Variants in NEGR1 observed in about 807,000 individuals in gnomAD.
NEGR1 encodes the protein IgLON family member 4.
A neutral mutation model predicts 40.9 loss-of-function variants in NEGR1; 10 were observed. That is an observed-to-expected ratio of 0.24 (90% CI 0.15 to 0.42). The LOEUF (loss-of-function observed/expected upper bound fraction) is 0.42, where lower values mean the gene tolerates loss of function less well. NEGR1 is among the 10% of genes least tolerant of loss of function. The probability of loss-of-function intolerance (pLI) is 1.00; values close to 1 mark genes in which losing one functional copy is unlikely to be tolerated. For missense variants in NEGR1, 352 were observed against 438.9 expected (o/e 0.80, Z 1.77); for synonymous variants, 185 against 166.8 (o/e 1.11, Z -0.84).
intron 1 of NEGR1, among the ~76,000 whole-genome samples, chr1:72,106,861 A>G (rs1303285728): frequency 3.9e-5 from 6 of 151,964 alleles, no homozygotes; most frequent in African/African-American, 1.4e-4. Flanking sequence ...ACGTCATTTA[A>G]ATATAGATAT....
rs144142592 is a variant in NEGR1 at position 71,632,389 on chromosome 1, T to C, written c.668-21243A>G. 7.1e-4 allele frequency among the ~76,000 whole-genome samples: 108 copies of C among 151,490 alleles called. 1 individual carries two copies. The East Asian group carries it at 0.019, about 27-fold the overall frequency. On this transcript the variant is annotated intron_variant, in intron 4 of 6. Transcript: ENST00000357731. Reference sequence around the variant, plus strand: ...TCCAAAATAATTCCATTGTTTACTATGTACTCAAATTCCTAGCTCACCTTT... The same window carrying C: ...TCCAAAATAATTCCATTGTTTACTACGTACTCAAATTCCTAGCTCACCTTT...
At chr1:71,973,244 A>G (rs1646273167) in intron 1 of NEGR1, among the ~76,000 whole-genome samples, 1 of 150,398 alleles carries the variant, frequency 6.6e-6, no homozygotes, top group African/African-American at 2.4e-5. Flanking sequence ...TGAACACGGG[A>G]GGCAGAGCTT....
chr1:72,018,247 C>T (rs1646728927), intron 1 of NEGR1, among the ~76,000 whole-genome samples: 1 of 152,064 alleles, frequency 6.6e-6, no homozygotes, highest in Admixed American at 6.6e-5. Context: ...AGATATTTTC[C>T]TAAGGACTAG....
chr1:71,546,517 T>C (rs1647900820), intron 6 of NEGR1, among the ~76,000 whole-genome samples: 1 of 151,728 alleles, frequency 6.6e-6, no homozygotes. Context: ...GTGATGATAG[T>C]AGTATGTATG....
chr1:72,057,040 C>T (rs1647117191), intron 1 of NEGR1, among the ~76,000 whole-genome samples: 1 of 151,538 alleles, frequency 6.6e-6, no homozygotes, highest in African/African-American at 2.4e-5. Context: ...CAGCTGTTTT[C>T]TCTGTTTTAG....
chr1:71,651,884 A>G (rs1651729804), intron 4 of NEGR1, among the ~76,000 whole-genome samples: 1 of 151,640 alleles, frequency 6.6e-6, no homozygotes, highest in African/African-American at 2.4e-5. Context: ...TTTTGTTTCA[A>G]CTTTCCATAC....
intron 2 of NEGR1, among the ~76,000 whole-genome samples, chr1:71,895,005 A>G (rs1402484251): frequency 2.6e-5 from 4 of 152,180 alleles, no homozygotes; most frequent in African/African-American, 9.7e-5. Flanking sequence ...TTTATAGAAA[A>G]TATCTATAAG....
chr1:71,521,987 T>C (rs775473982), intron 6 of NEGR1, among the ~76,000 whole-genome samples: 2 of 151,918 alleles, frequency 1.3e-5, no homozygotes, highest in Non-Finnish European at 2.9e-5. Context: ...TTCTGCTCTG[T>C]CAAATTCAGA....
At chr1:72,239,998 T>A (rs1654682564) in intron 1 of NEGR1, among the ~76,000 whole-genome samples, 1 of 151,842 alleles carries the variant, frequency 6.6e-6, no homozygotes, top group Admixed American at 6.6e-5. Context: ...ACCAAAGTAA[T>A]CATACTCTGA....
At chr1:71,742,242 T>C (rs1053462378) in intron 3 of NEGR1, among the ~76,000 whole-genome samples, 9 of 152,116 alleles carry the variant, frequency 5.9e-5, no homozygotes, top group South Asian at 4.1e-4. Context: ...ATAGGCCAGA[T>C]TGCCTCTGCC....
At chr1:72,213,291 G>T (rs1653678409) in intron 1 of NEGR1, among the ~76,000 whole-genome samples, 1 of 151,902 alleles carries the variant, frequency 6.6e-6, no homozygotes, top group African/African-American at 2.4e-5. Flanking sequence ...TTTTTGTCCT[G>T]TTGATTTTTG....
rs188273419 is a variant in NEGR1 at position 71,661,967 on chromosome 1, C to A, written c.667+36041G>T. On this transcript the variant is annotated intron_variant, in intron 4 of 6. Transcript: ENST00000357731. ...TGTAGAACAAGGATAAGGGTAGTAC[C>A]GACTACCTCTTAGACTGCTGTAAAG... 9.1e-4 allele frequency among the ~76,000 whole-genome samples: 139 copies of A among 152,158 alleles called. 1 individual carries two copies. Among genetic ancestry groups the A allele is most frequent in the African/African-American group, 3.2e-3 (134 of 41,526 alleles).
In NEGR1 at chr1:71,411,377, C is replaced by T. The variant is rs534508011; in HGVS notation, c.941-3807G>A. On this transcript the variant is annotated intron_variant, in intron 6 of 6. Coordinates refer to ENST00000357731, the MANE Select transcript of NEGR1 (RefSeq NM_173808.3). ...GTACTGAACTTTATAACATCATACT[C>T]TTGCCACAAAAGACAGTCAGCATAG... Among the ~76,000 whole-genome samples, 12 of 152,240 alleles carry T rather than the reference C, an allele frequency of 7.9e-5. No homozygotes were observed. In the South Asian group the frequency reaches 2.5e-3, roughly 32 times the overall value.
At chr1:71,873,442 C>A (rs1660337463) in intron 2 of NEGR1, among the ~76,000 whole-genome samples, 1 of 152,026 alleles carries the variant, frequency 6.6e-6, no homozygotes, top group Admixed American at 6.6e-5. Context: ...AGTTCCTGAC[C>A]TGCAACTGGC....
At chr1:71,512,771 AG>A (rs1025885481) in intron 6 of NEGR1, among the ~76,000 whole-genome samples, 29 of 151,886 alleles carry the variant, frequency 1.9e-4, no homozygotes, top group African/African-American at 6.8e-4. Flanking sequence ...TAGTAGAGAC[AG>A]GGTTCCACTC....
intron 1 of NEGR1, among the ~76,000 whole-genome samples, chr1:71,939,526 T>A (rs767785201): frequency 1.3e-5 from 2 of 152,060 alleles, no homozygotes; most frequent in Non-Finnish European, 2.9e-5. Flanking sequence ...AAAAGCAAAG[T>A]CACACCCATG....
chr1:72,203,355 C>A (rs535088692), intron 1 of NEGR1, among the ~76,000 whole-genome samples: 10 of 152,190 alleles, frequency 6.6e-5, no homozygotes, highest in Middle Eastern at 3.4e-3. Flanking sequence ...CAGTTCAAAT[C>A]TCCACTGGAG....
chr1:72,073,765 T>C (rs964147290), intron 1 of NEGR1, among the ~76,000 whole-genome samples: 6 of 151,812 alleles, frequency 4.0e-5, no homozygotes, highest in African/African-American at 1.5e-4. Flanking sequence ...ATCCTTAAGA[T>C]TCATTAGATG....
chr1:72,134,450 C>A (rs766121138), intron 1 of NEGR1, among the ~76,000 whole-genome samples: 5 of 151,864 alleles, frequency 3.3e-5, no homozygotes, highest in Non-Finnish European at 5.9e-5. Context: ...ATATTCCACC[C>A]GCCTCGGCCT....
Sources: allele counts gnomAD v4.1 joint callset (sites outside exome capture counted in the v4.1 genomes callset), GRCh38; gene constraint gnomAD v4.1.1; transcripts MANE v1.5; gene names NCBI Gene and HGNC (gene_info 2026-07-23, HGNC 2026-07-21).